THSD7A: variants seen among roughly 807,000 people sequenced by gnomAD.
The protein encoded by THSD7A is thrombospondin type 1 domain containing 7A, also known as thrombospondin type-1 domain-containing protein 7A.
In THSD7A, 96 loss-of-function variants were observed where a neutral mutation model predicts 231.3. The ratio of observed to expected loss-of-function variants is 0.41; its 90% CI spans 0.35 to 0.49. The LOEUF (loss-of-function observed/expected upper bound fraction) is 0.49, where lower values mean the gene tolerates loss of function less well. THSD7A is among the 20% of genes least tolerant of loss of function. The pLI is 0.05. For missense variants in THSD7A, 2,290 were observed against 2,070.2 expected (o/e 1.11, Z -2.06); for synonymous variants, 940 against 743.3 (o/e 1.26, Z -4.30).
intron 1 of THSD7A, among the ~76,000 whole-genome samples, chr7:11,766,827 A>T (rs973230402): frequency 2.6e-5 from 4 of 152,178 alleles, no homozygotes; most frequent in Non-Finnish European, 4.4e-5. Flanking sequence ...TGGTTTACAC[A>T]GGATTAAAGA....
rs1018572956 is a variant in THSD7A, at chr7:11,394,373, GA to G, written c.4411+7421del. Among the ~76,000 whole-genome samples, 200 of 152,068 alleles carry G rather than the reference GA, an allele frequency of 1.3e-3. 2 individuals carry two copies. Among genetic ancestry groups the G allele is most frequent in the Non-Finnish European group, 1.1e-3 (77 of 67,934 alleles). ...CTAAAGGGCACACTCAATATTGAAAGAAAAAACTGGTACCAGCCACTGCAAA... is the reference window on the plus strand; with the variant it reads ...CTAAAGGGCACACTCAATATTGAAAGAAAAACTGGTACCAGCCACTGCAAA... On this transcript the variant is annotated intron_variant, in intron 23 of 27. Coordinates refer to ENST00000423059, the MANE Select transcript of THSD7A (RefSeq NM_015204.3).
intron 2 of THSD7A, among the ~76,000 whole-genome samples, chr7:11,600,632 A>G (rs772321693): frequency 2.0e-5 from 3 of 152,172 alleles, no homozygotes; most frequent in Non-Finnish European, 2.9e-5. Flanking sequence ...TCAATAATCA[A>G]TAGTGTATAT....
chr7:11,572,455 C>T lies in THSD7A; in HGVS notation c.1453+18005G>A, dbSNP rs1023940214. Among the ~76,000 whole-genome samples, 9 of 152,236 alleles carry T rather than the reference C, an allele frequency of 5.9e-5. No homozygotes were observed. The South Asian group carries it at 8.3e-4, about 14-fold the overall frequency. ...TAATGTCTGTTTTTCTCTTCATACT[C>T]GCATATGTTCACTCCCCAAGACACT... is the stretch of plus-strand genomic sequence containing the variant. On this transcript the variant is annotated intron_variant, in intron 4 of 27. Transcript: ENST00000423059.
intron 24 of THSD7A, 47 bp downstream of exon 24, chr7:11,382,474 G>A (rs369173997): frequency 4.5e-5 from 64 of 1,411,778 alleles, no homozygotes; most frequent in South Asian, 3.5e-4. Flanking sequence ...AATCACATGT[G>A]TGTTACAGGA....
At chr7:11,630,181 T>C (rs748060416) in intron 2 of THSD7A, among the ~76,000 whole-genome samples, 2 of 152,136 alleles carry the variant, frequency 1.3e-5, no homozygotes, top group Non-Finnish European at 2.9e-5. Context: ...AAGTTTGGAG[T>C]AATTAACAAC....
chr7:11,430,014 C>T (rs1784431751), intron 13 of THSD7A, among the ~76,000 whole-genome samples: 1 of 152,138 alleles, frequency 6.6e-6, no homozygotes, highest in South Asian at 2.1e-4. Context: ...CATGTGAAAA[C>T]AGCAAAATTC....
intron 1 of THSD7A, among the ~76,000 whole-genome samples, chr7:11,829,994 T>C (rs1373372360): frequency 1.3e-5 from 2 of 152,164 alleles, no homozygotes; most frequent in East Asian, 3.8e-4. Flanking sequence ...ACACTGCAGA[T>C]AGGCAGAAGA....
chr7:11,675,110 A>G (rs893499925), intron 1 of THSD7A, among the ~76,000 whole-genome samples: 1 of 151,990 alleles, frequency 6.6e-6, no homozygotes, highest in African/African-American at 2.4e-5. Context: ...GGTGCAGCCC[A>G]TGGAGGGCAA....
intron 1 of THSD7A, chr7:11,821,034 T>G (rs903181836): frequency 1.0e-6 from 1 of 984,300 alleles, no homozygotes; most frequent in African/African-American, 1.6e-5. Flanking sequence ...TCTGGGACTT[T>G]TCATTTCATC....
chr7:11,661,259 C>A (rs751501933), intron 1 of THSD7A, among the ~76,000 whole-genome samples: 1 of 151,238 alleles, frequency 6.6e-6, no homozygotes, highest in African/African-American at 2.4e-5. Context: ...TAGCTAAACA[C>A]CAAACACAAA....
At chr7:11,582,185 A>AT (rs1791195502) in intron 4 of THSD7A, among the ~76,000 whole-genome samples, 1 of 151,624 alleles carries the variant, frequency 6.6e-6, no homozygotes, top group Non-Finnish European at 1.5e-5. Context: ...AGCCTCTTTC[A>AT]TTTTTTCTAT....
At position 11,721,014 on chromosome 7, in the gene THSD7A, C is replaced by T. The variant is rs373792053; in HGVS notation, c.191-84053G>A. ...TCATATAATCTTGTGCCTTTGATTA[C>T]GGTGCATTTGTTTATTAATTACACA... is the stretch of plus-strand genomic sequence containing the variant. On this transcript the variant is annotated intron_variant, in intron 1 of 27. Transcript: ENST00000423059. 6.6e-5 allele frequency among the ~76,000 whole-genome samples: 10 copies of T among 151,830 alleles called. 1 individual carries two copies. The highest frequency in any genetic ancestry group is 2.4e-4 in the African/African-American group (10 of 41,490).
At chr7:11,413,182 A>G (rs746730617) in intron 17 of THSD7A, among the ~76,000 whole-genome samples, 5 of 152,050 alleles carry the variant, frequency 3.3e-5, no homozygotes, top group Admixed American at 6.6e-5. Context: ...CATTTTAAGA[A>G]TAACTTTAAA....
intron 1 of THSD7A, among the ~76,000 whole-genome samples, chr7:11,687,560 G>T (rs180903802): frequency 6.6e-6 from 1 of 151,934 alleles, no homozygotes; most frequent in East Asian, 1.9e-4. Flanking sequence ...CACTGGGAAG[G>T]GAAATCAGGA....
intron 6 of THSD7A, among the ~76,000 whole-genome samples, chr7:11,532,355 A>G (rs571519015): frequency 7.9e-5 from 12 of 152,328 alleles, no homozygotes; most frequent in Admixed American, 3.9e-4. Context: ...CGTAGCTGGT[A>G]TAGAATTTAA....
chr7:11,487,564 GAT>G (rs1476905209), intron 6 of THSD7A, among the ~76,000 whole-genome samples: 2 of 152,144 alleles, frequency 1.3e-5, no homozygotes, highest in African/African-American at 4.8e-5. Context: ...TGCTAATCAA[GAT>G]ATACCCAAGA....
intron 1 of THSD7A, among the ~76,000 whole-genome samples, chr7:11,769,865 G>C (rs1431789111): frequency 6.6e-6 from 1 of 152,212 alleles, no homozygotes; most frequent in East Asian, 1.9e-4. Flanking sequence ...ATCTATAGCA[G>C]TGATTAATTT....
chr7:11,408,466 C>A (rs1783663022), intron 19 of THSD7A, among the ~76,000 whole-genome samples: 1 of 150,220 alleles, frequency 6.7e-6, no homozygotes, highest in African/African-American at 2.5e-5. Context: ...CCACTGCACT[C>A]CAGGCTGGGC....
intron 1 of THSD7A, among the ~76,000 whole-genome samples, chr7:11,799,376 A>C (rs998707663): frequency 6.6e-6 from 1 of 152,220 alleles, no homozygotes; most frequent in East Asian, 1.9e-4. Context: ...TAATGACTTA[A>C]TATGTAAATC....
Sources: gnomAD v4.1 joint callset for allele counts (sites outside exome capture counted in the v4.1 genomes callset) on GRCh38, gnomAD v4.1.1 for gene constraint, MANE v1.5 for transcripts, NCBI Gene and HGNC (gene_info 2026-07-23, HGNC 2026-07-21) for gene names.